The following DPYD variants were observed in gnomAD, a reference collection of about 807,000 sequenced individuals.
DPYD encodes the protein dihydropyrimidine dehydrogenase [NADP(+)].
Under a neutral mutation model 116.2 loss-of-function variants are expected in DPYD, and 109 were observed. That is an observed-to-expected ratio of 0.94 (90% confidence interval 0.80 to 1.10). DPYD has a LOEUF of 1.10. DPYD is among the 50% of genes least tolerant of loss of function. The pLI, the probability that DPYD is intolerant of heterozygous loss-of-function variation, is 0.00. For synonymous variants in DPYD, 440 were observed against 432.0 expected (o/e 1.02, Z -0.23); for missense variants, 1,302 against 1,254.5 (o/e 1.04, Z -0.57).
intron 8 of DPYD, among the ~76,000 whole-genome samples, chr1:97,611,858 T>C (rs1249880129): frequency 1.3e-5 from 2 of 152,092 alleles, no homozygotes; most frequent in Non-Finnish European, 2.9e-5. Context: ...TGGTACTTAA[T>C]AGTTACTACA....
chr1:97,646,073 A>G (rs551884866), intron 8 of DPYD, among the ~76,000 whole-genome samples: 1 of 152,228 alleles, frequency 6.6e-6, no homozygotes, highest in East Asian at 1.9e-4. Flanking sequence ...GTAAAATACA[A>G]AAGTTTTCCT....
At chr1:97,334,920 C>A (rs1428039846) in intron 16 of DPYD, among the ~76,000 whole-genome samples, 1 of 152,094 alleles carries the variant, frequency 6.6e-6, no homozygotes, top group Non-Finnish European at 1.5e-5. Flanking sequence ...AACAAGAGAG[C>A]CCGGTGCATA....
At chr1:97,607,200 T>C (rs1655651393) in intron 8 of DPYD, among the ~76,000 whole-genome samples, 1 of 151,914 alleles carries the variant, frequency 6.6e-6, no homozygotes. Context: ...ATAATCTCAA[T>C]ATATTTAGGC....
chr1:97,898,004 T>C (rs1030286808), intron 1 of DPYD, among the ~76,000 whole-genome samples: 4 of 151,778 alleles, frequency 2.6e-5, no homozygotes, highest in Non-Finnish European at 4.4e-5. Context: ...TATTTGAAAA[T>C]GATTTGATCC....
At chr1:97,159,383 G>A (rs986326463) in intron 20 of DPYD, among the ~76,000 whole-genome samples, 3 of 151,904 alleles carry the variant, frequency 2.0e-5, no homozygotes, top group African/African-American at 7.2e-5. Flanking sequence ...TGTCCAATCT[G>A]AAAAACAGAG....
chr1:97,515,588 G>C, intron 13 of DPYD, 138 bp downstream of exon 13: 1 of 765,746 alleles, frequency 1.3e-6, no homozygotes, highest in Non-Finnish European at 2.1e-6. Context: ...AGAAACTAAA[G>C]ATTAATGTGT....
chr1:97,295,692 A>C, intron 18 of DPYD: 1 of 891,030 alleles, frequency 1.1e-6, no homozygotes, highest in Non-Finnish European at 1.3e-6. Context: ...CAGCTTCCCG[A>C]AGTGCTGGGA....
At position 97,792,447 on chromosome 1, in the gene DPYD, A is replaced by T. The variant is rs193229829; in HGVS notation, c.233+35667T>A. Among the ~76,000 whole-genome samples, 416 of 152,066 alleles carry T rather than the reference A, an allele frequency of 2.7e-3. 2 individuals are homozygous for T. Among genetic ancestry groups the T allele is most frequent in the African/African-American group, 8.9e-3 (370 of 41,480 alleles). ...TATTTTTTAGTAGAGACGGGGTTTC[A>T]CCATGTTGGTCAGGCCGATCTTGAA... On this transcript the variant is annotated intron_variant, in intron 3 of 22. Coordinates refer to ENST00000370192, the MANE Select transcript of DPYD (RefSeq NM_000110.4).
At chr1:97,546,197 G>A (rs1051934426) in intron 12 of DPYD, 52 of 1,523,836 alleles carry the variant, frequency 3.4e-5, no homozygotes, top group Non-Finnish European at 4.6e-5. Context: ...AAACTAACAA[G>A]AACAGGACAA....
chr1:97,202,729 C>T (rs1408043773), intron 19 of DPYD, among the ~76,000 whole-genome samples: 1 of 152,182 alleles, frequency 6.6e-6, no homozygotes, highest in Non-Finnish European at 1.5e-5. Flanking sequence ...GACTGCCCTG[C>T]CCCCTTCCTT....
intron 16 of DPYD, among the ~76,000 whole-genome samples, chr1:97,360,205 A>G (rs1028024734): frequency 2.0e-5 from 3 of 152,192 alleles, no homozygotes; most frequent in African/African-American, 7.2e-5. Flanking sequence ...AAAAGAGACC[A>G]TTATGTGATG....
Position 97,079,071 on chromosome 1 carries a change from C to T in DPYD, c.2983G>A (p.Val995Ile). 1 of 1,613,740 alleles carries T rather than the reference C, an allele frequency of 6.2e-7. No individual in the cohort carries two copies. The highest frequency in any genetic ancestry group is 8.5e-7 in the Non-Finnish European group (1 of 1,179,750). Residue 995 changes from valine (V) to isoleucine (I), a missense_variant, in exon 23 of 23, where the codon GTT becomes ATT. Physicochemically the swap from Val to Ile is conservative, Grantham distance 29. Transcript: ENST00000370192. ...TCTGCTLCLSVCPIVDCIKMV... is the reference protein window; with the variant it reads ...TCTGCTLCLSICPIVDCIKMV... ...TTGATGCAGTCGACAATAGGGCAAA[C>T]ACTGAGACACAGAGTACAGCCTGTA...
intron 7 of DPYD, among the ~76,000 whole-genome samples, chr1:97,680,784 G>A (rs1660388457): frequency 2.0e-5 from 3 of 152,102 alleles, no homozygotes; most frequent in Admixed American, 1.3e-4. Flanking sequence ...TCCAGTGGGT[G>A]GAAGATGAAC....
At chr1:97,280,290 T>TTA (rs1260770769) in intron 18 of DPYD, 1 of 152,066 alleles carries the variant, frequency 6.6e-6, no homozygotes, top group East Asian at 1.9e-4. Flanking sequence ...ATATAGAGAT[T>TTA]TATATACGCA....
At chr1:97,727,956 G>A (rs1571258724) in intron 4 of DPYD, among the ~76,000 whole-genome samples, 1 of 151,778 alleles carries the variant, frequency 6.6e-6, no homozygotes, top group East Asian at 1.9e-4. Flanking sequence ...GTACTTTATA[G>A]ACACCCCAGC....
intron 13 of DPYD, among the ~76,000 whole-genome samples, chr1:97,488,342 A>G (rs1678769182): frequency 6.6e-6 from 1 of 152,202 alleles, no homozygotes; most frequent in African/African-American, 2.4e-5. Flanking sequence ...TTGTGATGAT[A>G]GAACTGTTCT....
At chr1:97,311,310 A>G (rs931980755) in intron 16 of DPYD, among the ~76,000 whole-genome samples, 1 of 151,844 alleles carries the variant, frequency 6.6e-6, no homozygotes, top group Non-Finnish European at 1.5e-5. Context: ...CCTGAAAATT[A>G]ATGAGAAAAA....
At position 97,557,837 on chromosome 1, in the gene DPYD, G is replaced by A. The variant is rs17116923; in HGVS notation, c.1340-8093C>T. Among the ~76,000 whole-genome samples the A allele has an allele frequency of 4.0e-3, 608 of 152,248 alleles. 9 individuals are homozygous for A. Among genetic ancestry groups the A allele is most frequent in the African/African-American group, 0.014 (589 of 41,534 alleles). ...CAGCACTTATGGATCTCTAGTACAT[G>A]GCAGGCATACTGCTGGATATTTCCA... On this transcript the variant is annotated intron_variant, in intron 11 of 22. Coordinates refer to ENST00000370192, the MANE Select transcript of DPYD (RefSeq NM_000110.4).
At position 97,287,996 on chromosome 1, in the gene DPYD, C is replaced by A. The variant is rs564336191; in HGVS notation, c.2299+17263G>T. Reference sequence around the variant, plus strand: ...AAATAAAAGGATGGAGGAAGATCTACCAAGCAAATGGAAAACAAAAAAAGG... The same window carrying A: ...AAATAAAAGGATGGAGGAAGATCTAACAAGCAAATGGAAAACAAAAAAAGG... On this transcript the variant is annotated intron_variant, in intron 18 of 22. Transcript: ENST00000370192. Among the ~76,000 whole-genome samples, 6 of 150,436 alleles carry A rather than the reference C, an allele frequency of 4.0e-5. 1 individual carries two copies. In the East Asian group the frequency reaches 1.2e-3, roughly 30 times the overall value.
Sources: gnomAD v4.1 joint callset for allele counts (sites outside exome capture counted in the v4.1 genomes callset) on GRCh38, gnomAD v4.1.1 for gene constraint, MANE v1.5 for transcripts, NCBI Gene and HGNC (gene_info 2026-07-23, HGNC 2026-07-21) for gene names.